DYM: variants seen among roughly 807,000 people sequenced by gnomAD.
DYM encodes dyggve-Melchior-Clausen syndrome protein.
In DYM, 78 loss-of-function variants were observed where a neutral mutation model predicts 93.1. The observed-to-expected ratio is 0.84, with a 90% CI of 0.70 to 1.01. DYM has a LOEUF of 1.01. Ranked by LOEUF, DYM falls within the 50% of genes least tolerant of loss-of-function variation. DYM has a pLI of 0.00. For missense variants in DYM, 789 were observed against 845.0 expected, an observed-to-expected ratio of 0.93 and a Z score of 0.82; for synonymous variants, 321 against 319.7, an observed-to-expected ratio of 1.00 and a Z score of -0.04.
chr18:49,452,416 A>T (rs1008877954), intron 1 of DYM, among the ~76,000 whole-genome samples: 2 of 151,974 alleles, frequency 1.3e-5, no homozygotes, highest in Admixed American at 6.6e-5. Context: ...CCCCACCCAC[A>T]TCCTGCTGAT....
At chr18:49,256,139 G>A (rs1252335749) in intron 13 of DYM, among the ~76,000 whole-genome samples, 1 of 151,228 alleles carries the variant, frequency 6.6e-6, no homozygotes, top group Non-Finnish European at 1.5e-5. Flanking sequence ...GAAGAGACAA[G>A]GGTTTCTGGC....
chr18:49,273,647 G>A (rs1172012816), intron 10 of DYM, among the ~76,000 whole-genome samples: 1 of 152,080 alleles, frequency 6.6e-6, no homozygotes, highest in Non-Finnish European at 1.5e-5. Context: ...CAGGTTTATG[G>A]CCTAGGAGCC....
chr18:49,101,812 T>C (rs978146911), intron 16 of DYM, among the ~76,000 whole-genome samples: 3 of 152,184 alleles, frequency 2.0e-5, no homozygotes, highest in Admixed American at 6.6e-5. Flanking sequence ...GGGAAATAAA[T>C]AGATGATACC....
intron 1 of DYM, among the ~76,000 whole-genome samples, chr18:49,456,792 G>A (rs562096924): frequency 6.6e-6 from 1 of 152,202 alleles, no homozygotes; most frequent in Non-Finnish European, 1.5e-5. Flanking sequence ...AAAGTTCAAA[G>A]CATAAAGCTC....
intron 17 of DYM, among the ~76,000 whole-genome samples, chr18:49,068,060 C>T (rs1337819131): frequency 6.6e-6 from 1 of 152,188 alleles, no homozygotes; most frequent in Non-Finnish European, 1.5e-5. Context: ...TCCTTCTACA[C>T]AAAGAATAGC....
chr18:49,102,370 G>A (rs964010356), intron 16 of DYM, among the ~76,000 whole-genome samples: 1 of 151,932 alleles, frequency 6.6e-6, no homozygotes, highest in African/African-American at 2.4e-5. Context: ...TTTGACACAT[G>A]GGTGTATTGT....
chr18:49,073,909 G>C (rs955164135), intron 17 of DYM, among the ~76,000 whole-genome samples: 1 of 152,142 alleles, frequency 6.6e-6, no homozygotes, highest in Admixed American at 6.5e-5. Flanking sequence ...AGAGAAGTCT[G>C]TGCATTCACT....
rs545752090 is a variant in DYM, at chr18:49,336,089, C to G, written c.495-2236G>C. Among the ~76,000 whole-genome samples the G allele has an allele frequency of 2.0e-5, 3 of 152,326 alleles. No individual in the cohort carries two copies. In the South Asian group the frequency reaches 6.2e-4, roughly 32 times the overall value. ...TGGGGCTCCCAAACTGCTGGGATTA[C>G]AGGCATGAGCCATCGTGCCAGACTG... On this transcript the variant is annotated intron_variant, in intron 6 of 17. Coordinates refer to ENST00000675505, the MANE Select transcript of DYM (RefSeq NM_001353214.3).
chr18:49,219,014 C>A (rs1419258151), intron 13 of DYM, among the ~76,000 whole-genome samples: 1 of 152,014 alleles, frequency 6.6e-6, no homozygotes. Context: ...GCTAGCAAGA[C>A]TAATAAAGAC....
At chr18:49,148,521 T>C (rs1490785773) in intron 15 of DYM, among the ~76,000 whole-genome samples, 1 of 152,068 alleles carries the variant, frequency 6.6e-6, no homozygotes, top group Non-Finnish European at 1.5e-5. Context: ...GCCTCCCAAA[T>C]TGCTAGATTA....
chr18:49,220,572 A>G (rs1181576322), intron 13 of DYM, among the ~76,000 whole-genome samples: 1 of 151,670 alleles, frequency 6.6e-6, no homozygotes, highest in Non-Finnish European at 1.5e-5. Context: ...GATCAATGGA[A>G]CAGAACAGAG....
chr18:49,161,533 C>G (rs1283931248), intron 15 of DYM, among the ~76,000 whole-genome samples: 2 of 152,190 alleles, frequency 1.3e-5, no homozygotes, highest in Non-Finnish European at 2.9e-5. Flanking sequence ...GTAAACCCAA[C>G]TCCCCATTGC....
At chr18:49,318,080 C>T (rs1376053906) in intron 8 of DYM, among the ~76,000 whole-genome samples, 1 of 152,180 alleles carries the variant, frequency 6.6e-6, no homozygotes, top group East Asian at 1.9e-4. Context: ...TCCATGCCTA[C>T]ACCTGATACC....
chr18:49,275,254 C>T (rs147269652), intron 10 of DYM, among the ~76,000 whole-genome samples: 1 of 152,148 alleles, frequency 6.6e-6, no homozygotes, highest in East Asian at 1.9e-4. Flanking sequence ...GTCTTGGCAC[C>T]CTGGCTAAAA....
chr18:49,101,896 C>T (rs1475756012), intron 16 of DYM, among the ~76,000 whole-genome samples: 1 of 152,142 alleles, frequency 6.6e-6, no homozygotes, highest in Non-Finnish European at 1.5e-5. Flanking sequence ...TTAGAATAGA[C>T]ATCATGGTAA....
At chr18:49,307,343 C>T (rs1205300216) in intron 8 of DYM, among the ~76,000 whole-genome samples, 2 of 152,062 alleles carry the variant, frequency 1.3e-5, no homozygotes, top group African/African-American at 4.8e-5. Flanking sequence ...TAAGGTTACC[C>T]ATGGTCCAGG....
rs5824781 is a variant in DYM at position 49,235,775 on chromosome 18, G to GAA, written c.1460+21233_1460+21234dup. Among the ~76,000 whole-genome samples, 368 of 148,188 alleles carry GAA rather than the reference G, an allele frequency of 2.5e-3. 1 individual carries two copies. Among genetic ancestry groups the GAA allele is most frequent in the African/African-American group, 5.0e-3 (204 of 40,656 alleles). Reference sequence around the variant, plus strand: ...GTAAGTACCATATATCACTGTGAAAGAAAAAAAAAAACTGTGGCTTGAAAA... The same window carrying GAA: ...GTAAGTACCATATATCACTGTGAAAGAAAAAAAAAAAAACTGTGGCTTGAAAA... On this transcript the variant is annotated intron_variant, in intron 13 of 17. Transcript: ENST00000675505.
At chr18:49,305,592 A>G (rs1165755028) in intron 8 of DYM, among the ~76,000 whole-genome samples, 1 of 152,174 alleles carries the variant, frequency 6.6e-6, no homozygotes, top group Non-Finnish European at 1.5e-5. Flanking sequence ...ACTTCCTCCT[A>G]TATTTAGGAA....
chr18:49,359,457 T>C lies in DYM; in HGVS notation c.494+3704A>G, dbSNP rs140007488. 1.6e-3 allele frequency among the ~76,000 whole-genome samples: 242 copies of C among 152,334 alleles called. 4 individuals carry two copies. The East Asian group carries it at 0.035, about 22-fold the overall frequency. ...TGTCTGAGAAACAGTAGCCACTAAC[T>C]ACTTAAAAGTGAATCTTCATTACAA... On this transcript the variant is annotated intron_variant, in intron 6 of 17. Coordinates refer to ENST00000675505, the MANE Select transcript of DYM (RefSeq NM_001353214.3).
Sources: gnomAD v4.1 joint callset for allele counts (sites outside exome capture counted in the v4.1 genomes callset) on GRCh38, gnomAD v4.1.1 for gene constraint, MANE v1.5 for transcripts, NCBI Gene and HGNC (gene_info 2026-07-23, HGNC 2026-07-21) for gene names.